The following SNX6 variants were observed in gnomAD, a reference collection of about 807,000 sequenced individuals.
The protein encoded by SNX6 is sorting nexin 6.
A neutral mutation model predicts 63.0 loss-of-function variants in SNX6; 34 were observed. The observed-to-expected ratio is 0.54, with a 90% CI of 0.41 to 0.72. The LOEUF (loss-of-function observed/expected upper bound fraction) is 0.72. Among genes scored for constraint, SNX6 ranks in the 30% least tolerant of loss-of-function variants. The probability of loss-of-function intolerance (pLI) is 0.00; values close to 1 mark genes in which losing one functional copy is unlikely to be tolerated. For synonymous variants in SNX6, 170 were observed against 164.2 expected (o/e 1.04, Z -0.27); for missense variants, 398 against 471.4 (o/e 0.84, Z 1.44).
intron 11 of SNX6, among the ~76,000 whole-genome samples, chr14:34,574,813 C>T (rs1455902192): frequency 6.6e-6 from 1 of 151,842 alleles, no homozygotes; most frequent in Non-Finnish European, 1.5e-5. Flanking sequence ...CCGCCTCGGC[C>T]TCCCAAAGTG....
At chr14:34,585,053 T>A (rs572678792) in intron 9 of SNX6, among the ~76,000 whole-genome samples, 1 of 152,146 alleles carries the variant, frequency 6.6e-6, no homozygotes, top group African/African-American at 2.4e-5. Flanking sequence ...GGTTTCTCCA[T>A]GTTGGTCAGG....
At chr14:34,574,173 TA>T (rs1441983082) in intron 11 of SNX6, among the ~76,000 whole-genome samples, 19 of 149,646 alleles carry the variant, frequency 1.3e-4, no homozygotes, top group Admixed American at 6.7e-4. Flanking sequence ...CCATCTCTAC[TA>T]AAAATACAAA....
intron 2 of SNX6, among the ~76,000 whole-genome samples, chr14:34,612,373 TGGATTTTGAGATGG>T (rs1229482566): frequency 9.2e-5 from 14 of 152,202 alleles, no homozygotes; most frequent in South Asian, 2.1e-4. Flanking sequence ...CATTCAATTA[TGGATTTTGAGATGG>T]GGATTTTGAG....
rs902740637 is a variant in SNX6 at position 34,605,673 on chromosome 14, T to C, written c.315A>G (p.Glu105=). ...PPRPDFDASR[E]KLQKLGEGEG... is the part of the protein sequence containing the mutation. ...CTCCTTCACCAAGCTTCTGTAGTTT[T>C]TCCCTTGAAGCATCAAAATCAGGTC... The change falls in exon 5 of 14, where the codon GAA becomes GAG. Residue 105 remains glutamate (E), a synonymous_variant. Transcript: ENST00000362031. 7 of 1,611,614 alleles carry C rather than the reference T, an allele frequency of 4.3e-6. No homozygotes were observed. Among genetic ancestry groups the C allele is most frequent in the Non-Finnish European group, 5.9e-6 (7 of 1,179,144 alleles).
intron 11 of SNX6, among the ~76,000 whole-genome samples, chr14:34,571,172 G>A (rs1430164222): frequency 2.6e-5 from 4 of 151,724 alleles, no homozygotes; most frequent in Admixed American, 6.6e-5. Flanking sequence ...AGTGGCTCAC[G>A]TCTGTAATCC....
intron 2 of SNX6, among the ~76,000 whole-genome samples, chr14:34,612,132 G>A (rs150737946): frequency 3.7e-3 from 555 of 151,728 alleles, no homozygotes; most frequent in Middle Eastern, 0.014. Flanking sequence ...ATAGAGACAG[G>A]GTCTCGCTAT....
intron 2 of SNX6, among the ~76,000 whole-genome samples, chr14:34,623,325 A>T (rs1883698211): frequency 6.6e-6 from 1 of 152,130 alleles, no homozygotes. Flanking sequence ...GTGTAGACGT[A>T]CTTGGGCAAT....
chr14:34,611,966 G>C (rs1023730325), intron 2 of SNX6, among the ~76,000 whole-genome samples: 1 of 152,012 alleles, frequency 6.6e-6, no homozygotes, highest in Non-Finnish European at 1.5e-5. Context: ...TTTTTTAGTA[G>C]AGAGGAGTTT....
intron 11 of SNX6, among the ~76,000 whole-genome samples, chr14:34,571,652 C>T (rs1881458367): frequency 6.6e-6 from 1 of 152,104 alleles, no homozygotes; most frequent in African/African-American, 2.4e-5. Context: ...TTTAGGACAA[C>T]AAAAATACTG....
intron 8 of SNX6, 59 bp from the exon 9 acceptor site, chr14:34,586,364 G>T: frequency 2.8e-6 from 3 of 1,084,670 alleles, no homozygotes; most frequent in South Asian, 2.6e-5. Context: ...AATACTTACT[G>T]AGCAATTACC....
chr14:34,604,625 A>C (rs1252176535), intron 5 of SNX6, among the ~76,000 whole-genome samples: 1 of 152,156 alleles, frequency 6.6e-6, no homozygotes, highest in East Asian at 1.9e-4. Flanking sequence ...CATATCCAGC[A>C]AATCCAAAAT....
Position 34,574,103 on chromosome 14 carries a change from C to T in SNX6, c.921+1653G>A, listed in dbSNP as rs7161657. 2.0e-4 allele frequency among the ~76,000 whole-genome samples: 31 copies of T among 151,352 alleles called. No homozygotes were observed. The East Asian group carries it at 5.5e-3, about 27-fold the overall frequency. On this transcript the variant is annotated intron_variant, in intron 11 of 13. Coordinates refer to ENST00000362031, the MANE Select transcript of SNX6 (RefSeq NM_152233.4). ...CTGTAATCCCAGCACTTTGGGAGGCCGAGGTGGGGGGATCACGGGGTCAGG... is the reference window on the plus strand; with the variant it reads ...CTGTAATCCCAGCACTTTGGGAGGCTGAGGTGGGGGGATCACGGGGTCAGG...
chr14:34,582,052 C>T (rs185457610), intron 9 of SNX6, among the ~76,000 whole-genome samples: 1 of 151,736 alleles, frequency 6.6e-6, no homozygotes, highest in Non-Finnish European at 1.5e-5. Flanking sequence ...TGGTCTTGAT[C>T]TCTTGACCTC....
intron 2 of SNX6, among the ~76,000 whole-genome samples, chr14:34,610,309 C>T (rs1594741962): frequency 1.6e-5 from 2 of 128,482 alleles, no homozygotes; most frequent in East Asian, 5.0e-4. Context: ...AAGCAGTAAT[C>T]GTGCCACTGA....
chr14:34,620,358 T>C (rs1883577004), intron 2 of SNX6, among the ~76,000 whole-genome samples: 1 of 152,162 alleles, frequency 6.6e-6, no homozygotes, highest in Admixed American at 6.6e-5. Flanking sequence ...CACACGCCTG[T>C]AGTCCCAGCT....
chr14:34,574,837 C>T (rs1451930153), intron 11 of SNX6, among the ~76,000 whole-genome samples: 4 of 150,696 alleles, frequency 2.7e-5, no homozygotes, highest in African/African-American at 7.3e-5. Context: ...GGATTACAGG[C>T]GTAAGCCACT....
chr14:34,605,306 G>A lies in SNX6; in HGVS notation c.392+290C>T, dbSNP rs185593543. Among the ~76,000 whole-genome samples the A allele has an allele frequency of 9.2e-5, 14 of 151,778 alleles. No individual in the cohort carries two copies. In the East Asian group the frequency reaches 2.5e-3, roughly 27 times the overall value. On this transcript the variant is annotated intron_variant, in intron 5 of 13. Transcript: ENST00000362031. ...TTCCCCTTAAGTCCAAAGACAGACT[G>A]GACCTTTTACCTTTTTAAAAGAAGC... is the stretch of plus-strand genomic sequence containing the variant.
At chr14:34,582,421 C>T (rs950833541) in intron 9 of SNX6, among the ~76,000 whole-genome samples, 1 of 151,862 alleles carries the variant, frequency 6.6e-6, no homozygotes, top group South Asian at 2.1e-4. Flanking sequence ...AGCCCAGGCT[C>T]GTCTTGGACT....
chr14:34,593,377 T>C (rs963402067), intron 7 of SNX6, among the ~76,000 whole-genome samples: 1 of 151,710 alleles, frequency 6.6e-6, no homozygotes. Flanking sequence ...GTGCTCCCCA[T>C]ATAGGTCCAA....
Sources: allele counts gnomAD v4.1 joint callset (sites outside exome capture counted in the v4.1 genomes callset), GRCh38; gene constraint gnomAD v4.1.1; transcripts MANE v1.5; gene names NCBI Gene and HGNC (gene_info 2026-07-23, HGNC 2026-07-21).